Variants in BRIP1 observed in about 807,000 individuals in gnomAD.
The protein encoded by BRIP1 is Fanconi anemia group J protein.
BRIP1 carries 88 observed loss-of-function variants against 119.7 expected under a neutral mutation model. That is an observed-to-expected ratio of 0.74 (90% CI 0.62 to 0.88). The LOEUF (loss-of-function observed/expected upper bound fraction) is 0.88. Ranked by LOEUF, BRIP1 falls within the 40% of genes least tolerant of loss-of-function variation. BRIP1 has a pLI of 0.00. For missense variants in BRIP1, 1,259 were observed against 1,455.4 expected (o/e 0.87, Z 2.20); for synonymous variants, 443 against 496.5 (o/e 0.89, Z 1.43).
chr17:61,694,853 G>A (rs1206355951), intron 17 of BRIP1, among the ~76,000 whole-genome samples: 1 of 150,300 alleles, frequency 6.7e-6, no homozygotes, highest in Non-Finnish European at 1.5e-5. Flanking sequence ...CAAATTATTG[G>A]TCCATTTTTA....
Position 61,793,271 on chromosome 17 carries a change from CCT to C in BRIP1, c.1473+324_1473+325del, listed in dbSNP as rs2077846986. 6.6e-6 allele frequency among the ~76,000 whole-genome samples: 1 copy of C among 151,890 alleles called. No individual in the cohort carries two copies. The highest frequency in any genetic ancestry group is 1.5e-5 in the Non-Finnish European group (1 of 67,936). ...TAAGATGAACAAAATAGGAATTTCT[CCT>C]CTTTTTATTTTCTAAAATTTTAACT... On this transcript the variant is annotated intron_variant, in intron 10 of 19. Coordinates refer to ENST00000259008, the MANE Select transcript of BRIP1 (RefSeq NM_032043.3). The surrounding 1 kb of genome is among the most constrained non-coding windows in gnomAD (Gnocchi z 5.2).
rs554933640 is a variant in BRIP1 at position 61,681,887 on chromosome 17, A to T, written c.*1409T>A. 3.0e-5 allele frequency: 6 copies of T among 198,814 alleles called. No homozygotes were observed. The highest frequency in any genetic ancestry group is 1.2e-4 in the Admixed American group (2 of 16,590). 12.3% of individuals were successfully genotyped at this position (198,814 alleles called of 1,614,324 possible). ...AAGTAAATCCTTACTGGAAATTTTG[A>T]CTTGAAAATAATAGACCATACAGAA... On this transcript the variant is annotated 3_prime_UTR_variant, in exon 20 of 20. Coordinates refer to ENST00000259008, the MANE Select transcript of BRIP1 (RefSeq NM_032043.3). This position sits in a 1 kb window ranked among gnomAD's most constrained non-coding sequence, Gnocchi z 5.1.
At chr17:61,733,211 G>A (rs1431633865) in intron 16 of BRIP1, among the ~76,000 whole-genome samples, 2 of 152,102 alleles carry the variant, frequency 1.3e-5, no homozygotes, top group Non-Finnish European at 2.9e-5. Context: ...TCCTTAAAAA[G>A]AAATCTGTTA....
At chr17:61,788,582 CATTA>C (rs1298660352) in intron 10 of BRIP1, among the ~76,000 whole-genome samples, 1 of 152,118 alleles carries the variant, frequency 6.6e-6, no homozygotes, top group Non-Finnish European at 1.5e-5. Flanking sequence ...TTTCTTAAAT[CATTA>C]ATTAACAAAT....
rs969393445 is a variant in BRIP1, at chr17:61,778,425, C to T, written c.1935+1836G>A. ...GAGATTGGTTGCACAACAACATATA[C>T]ATACTTAATAAGACTGAGCTGTATA... is the stretch of plus-strand genomic sequence containing the variant. On this transcript the variant is annotated intron_variant, in intron 13 of 19. Transcript: ENST00000259008. The surrounding 1 kb of genome is among the most constrained non-coding windows in gnomAD (Gnocchi z 4.4). Among the ~76,000 whole-genome samples the T allele has an allele frequency of 6.6e-6, 1 of 152,098 alleles. No homozygotes were observed. The highest frequency in any genetic ancestry group is 6.6e-5 in the Admixed American group (1 of 15,262).
intron 14 of BRIP1, among the ~76,000 whole-genome samples, chr17:61,763,177 C>A (rs573058032): frequency 6.6e-6 from 1 of 152,016 alleles, no homozygotes; most frequent in Non-Finnish European, 1.5e-5. Context: ...GTTTTTATGA[C>A]GAGCTTATTT....
intron 16 of BRIP1, among the ~76,000 whole-genome samples, chr17:61,718,443 G>C (rs1271362183): frequency 6.6e-6 from 1 of 152,146 alleles, no homozygotes; most frequent in Admixed American, 6.5e-5. Context: ...GACTTTGTAA[G>C]CACTAGGAAG....
chr17:61,691,284 T>C lies in BRIP1; in HGVS notation c.2575+2146A>G, dbSNP rs913165859. ...AAAAACTCAAACCAGGGAAAAAAAATAGCATCAAAAATAATAAAATACCTA... is the reference window on the plus strand; with the variant it reads ...AAAAACTCAAACCAGGGAAAAAAAACAGCATCAAAAATAATAAAATACCTA... On this transcript the variant is annotated intron_variant, in intron 18 of 19. Transcript: ENST00000259008. This position sits in a 1 kb window ranked among gnomAD's most constrained non-coding sequence, Gnocchi z 5.0. 8.7e-5 allele frequency among the ~76,000 whole-genome samples: 13 copies of C among 150,018 alleles called. No homozygotes were observed. Among genetic ancestry groups the C allele is most frequent in the Non-Finnish European group, 1.9e-4 (13 of 67,318 alleles).
At chr17:61,826,183 T>A (rs1391345508) in intron 6 of BRIP1, among the ~76,000 whole-genome samples, 2 of 152,144 alleles carry the variant, frequency 1.3e-5, no homozygotes, top group African/African-American at 2.4e-5. Flanking sequence ...GGTGCTGGGA[T>A]AACTCGCTAG....
intron 16 of BRIP1, among the ~76,000 whole-genome samples, chr17:61,733,870 G>A (rs1425103905): frequency 6.6e-6 from 1 of 151,644 alleles, no homozygotes; most frequent in Non-Finnish European, 1.5e-5. Flanking sequence ...CATTGTAAGG[G>A]CACTTCTGAC....
chr17:61,738,756 TGAA>T lies in BRIP1; in HGVS notation c.2379+4254_2379+4256del, dbSNP rs1270398290. On this transcript the variant is annotated intron_variant, in intron 16 of 19. Coordinates refer to ENST00000259008, the MANE Select transcript of BRIP1 (RefSeq NM_032043.3). This position sits in a 1 kb window ranked among gnomAD's most constrained non-coding sequence, Gnocchi z 4.2. ...AATTTTAAGAATTTTTGGAAAATAA[TGAA>T]GAATAACATAATAAATACCTGCATT... Among the ~76,000 whole-genome samples the T allele has an allele frequency of 6.6e-6, 1 of 152,230 alleles. No homozygotes were observed. The highest frequency in any genetic ancestry group is 1.5e-5 in the Non-Finnish European group (1 of 68,036).
In BRIP1 at chr17:61,683,154, A is replaced by G; in HGVS notation, c.*142T>C. ...TCAAAAAAAAAAACCCAAAAACTCAAGAATAATAACATTTACATTTCTGAA... is the reference window on the plus strand; with the variant it reads ...TCAAAAAAAAAAACCCAAAAACTCAGGAATAATAACATTTACATTTCTGAA... On this transcript the variant is annotated 3_prime_UTR_variant, in exon 20 of 20. Transcript: ENST00000259008. This position sits in a 1 kb window ranked among gnomAD's most constrained non-coding sequence, Gnocchi z 4.7. 1 of 1,093,938 alleles carries G rather than the reference A, an allele frequency of 9.1e-7. No homozygotes were observed. The highest frequency in any genetic ancestry group is 1.3e-6 in the Non-Finnish European group (1 of 774,734). The allele number at this position is 1,093,938 out of a possible 1,614,324, so 67.8% of individuals were successfully genotyped here.
At position 61,751,854 on chromosome 17, in the gene BRIP1, C is replaced by T. The variant is rs574422474; in HGVS notation, c.2098-7263G>A. Among the ~76,000 whole-genome samples, 15 of 152,012 alleles carry T rather than the reference C, an allele frequency of 9.9e-5. No homozygotes were observed. The highest frequency in any genetic ancestry group is 3.4e-4 in the African/African-American group (14 of 41,476). On this transcript the variant is annotated intron_variant, in intron 14 of 19. Coordinates refer to ENST00000259008, the MANE Select transcript of BRIP1 (RefSeq NM_032043.3). The surrounding 1 kb of genome is among the most constrained non-coding windows in gnomAD (Gnocchi z 6.7). ...TGCGATCTCGGCTCACTGAAATCTCCGCCTCCTGAGTTCAAGCAATTCTCC... is the reference window on the plus strand; with the variant it reads ...TGCGATCTCGGCTCACTGAAATCTCTGCCTCCTGAGTTCAAGCAATTCTCC...
Position 61,681,520 on chromosome 17 carries a change from G to A in BRIP1, c.*1776C>T, listed in dbSNP as rs1347162295. The A allele has an allele frequency of 4.8e-6, 1 of 207,964 alleles. No homozygotes were observed. The highest frequency in any genetic ancestry group is 9.8e-6 in the Non-Finnish European group (1 of 102,096). The allele number at this position is 207,964 out of a possible 1,614,324, so 12.9% of individuals were successfully genotyped here. ...AGCCCAAGTCTCTTGTCTTCTACCA[G>A]GTATTTATTCGTTTCACTACCCTAC... On this transcript the variant is annotated 3_prime_UTR_variant, in exon 20 of 20. Transcript: ENST00000259008. This position sits in a 1 kb window ranked among gnomAD's most constrained non-coding sequence, Gnocchi z 5.1.
rs978593112 is a variant in BRIP1, at chr17:61,752,455, T to C, written c.2098-7864A>G. Among the ~76,000 whole-genome samples the C allele has an allele frequency of 6.6e-6, 1 of 152,240 alleles. No individual in the cohort carries two copies. The highest frequency in any genetic ancestry group is 2.1e-4 in the South Asian group (1 of 4,838). On this transcript the variant is annotated intron_variant, in intron 14 of 19. Transcript: ENST00000259008. The surrounding 1 kb of genome is among the most constrained non-coding windows in gnomAD (Gnocchi z 6.2). Reference sequence around the variant, plus strand: ...GAAATACACTTTGTTGAACTCACTGTTCACTATTAATTAAGGTTCCAGACT... The same window carrying C: ...GAAATACACTTTGTTGAACTCACTGCTCACTATTAATTAAGGTTCCAGACT...
In BRIP1 at chr17:61,720,276, A is replaced by G. The variant is rs2061952405; in HGVS notation, c.2380-4213T>C. ...GGAGGAGATTACATGTTCCATACAC[A>G]AAGAAATGATAAATGTTTGAGATGA... On this transcript the variant is annotated intron_variant, in intron 16 of 19. Transcript: ENST00000259008. This position sits in a 1 kb window ranked among gnomAD's most constrained non-coding sequence, Gnocchi z 4.3. Among the ~76,000 whole-genome samples the G allele has an allele frequency of 6.6e-6, 1 of 152,240 alleles. No homozygotes were observed. The highest frequency in any genetic ancestry group is 1.5e-5 in the Non-Finnish European group (1 of 68,036).
rs1491427457 is a variant in BRIP1, at chr17:61,693,207, AG to A, written c.2575+222del. On this transcript the variant is annotated intron_variant, in intron 18 of 19. Coordinates refer to ENST00000259008, the MANE Select transcript of BRIP1 (RefSeq NM_032043.3). The surrounding 1 kb of genome is among the most constrained non-coding windows in gnomAD (Gnocchi z 4.2). ...AGTATAGCGGTGGTTGTCAGTGGAC[AG>A]GGGGGAGAGGGACATGGGGCATTGC... Among the ~76,000 whole-genome samples, 1 of 152,072 alleles carries A rather than the reference AG, an allele frequency of 6.6e-6. No individual in the cohort carries two copies. The highest frequency in any genetic ancestry group is 2.4e-5 in the African/African-American group (1 of 41,420).
At position 61,808,520 on chromosome 17, in the gene BRIP1, C is replaced by G. The variant is rs1567837768; in HGVS notation, c.865G>C (p.Val289Leu). 6.2e-7 allele frequency: 1 copy of G among 1,613,860 alleles called. No individual in the cohort carries two copies. Among genetic ancestry groups the G allele is most frequent in the Non-Finnish European group, 8.5e-7 (1 of 1,179,788 alleles). The change falls in exon 7 of 20, where the codon GTC (valine) becomes CTC (leucine). Residue 289 changes from valine to leucine, a missense_variant. Coordinates refer to ENST00000259008, the MANE Select transcript of BRIP1 (RefSeq NM_032043.3). The surrounding 1 kb of genome is among the most constrained non-coding windows in gnomAD (Gnocchi z 4.1). ...RDHTCVHPEV[V>L]GNFNRNEKCM... ...TTCTCATTTCTGTTGAAGTTACCGACTACCTCAGGATGGACACAAGTATGA... is the reference window on the plus strand; with the variant it reads ...TTCTCATTTCTGTTGAAGTTACCGAGTACCTCAGGATGGACACAAGTATGA...
chr17:61,738,210 C>A lies in BRIP1; in HGVS notation c.2379+4803G>T, dbSNP rs1337856823. Among the ~76,000 whole-genome samples the A allele has an allele frequency of 6.6e-6, 1 of 152,168 alleles. No homozygotes were observed. Among genetic ancestry groups the A allele is most frequent in the Non-Finnish European group, 1.5e-5 (1 of 68,022 alleles). On this transcript the variant is annotated intron_variant, in intron 16 of 19. Coordinates refer to ENST00000259008, the MANE Select transcript of BRIP1 (RefSeq NM_032043.3). The surrounding 1 kb of genome is among the most constrained non-coding windows in gnomAD (Gnocchi z 4.2). ...CTAGATCATCTGTCACCCAATCACTCCAGAGATGTATGACCTGTAATAAAT... is the reference window on the plus strand; with the variant it reads ...CTAGATCATCTGTCACCCAATCACTACAGAGATGTATGACCTGTAATAAAT...
Sources: allele counts gnomAD v4.1 joint callset (sites outside exome capture counted in the v4.1 genomes callset), GRCh38; gene constraint gnomAD v4.1.1; non-coding constraint Gnocchi (gnomAD v3.1); transcripts MANE v1.5; gene names NCBI Gene and HGNC (gene_info 2026-07-23, HGNC 2026-07-21).